Variants in ZMIZ1 observed in about 807,000 individuals in gnomAD.
The protein encoded by ZMIZ1 is zinc finger MIZ domain-containing protein 1.
Under a neutral mutation model 113.9 loss-of-function variants are expected in ZMIZ1, and 17 were observed. The ratio of observed to expected loss-of-function variants is 0.15; its 90% CI spans 0.10 to 0.22. The LOEUF is 0.22. Among genes scored for constraint, ZMIZ1 ranks in the 10% least tolerant of loss-of-function variants. The pLI, the probability that ZMIZ1 is intolerant of heterozygous loss-of-function variation, is 1.00. For synonymous variants in ZMIZ1, 607 were observed against 603.1 expected (o/e 1.01, Z -0.09); for missense variants, 1,059 against 1,477.8 (o/e 0.72, Z 4.65).
At chr10:79,166,761 C>T (rs903224076) in intron 4 of ZMIZ1, among the ~76,000 whole-genome samples, 2 of 152,238 alleles carry the variant, frequency 1.3e-5, no homozygotes, top group African/African-American at 2.4e-5. Flanking sequence ...GGAGAGGAAG[C>T]TGGAAGGTGT....
intron 1 of ZMIZ1, among the ~76,000 whole-genome samples, chr10:79,107,819 C>G (rs60807276): frequency 0.067 from 10,146 of 152,208 alleles, 929 homozygotes; most frequent in African/African-American, 0.2. Flanking sequence ...AGCTTCTGGG[C>G]TCTGCTGTAG....
At chr10:79,173,235 A>C (rs1303159823) in intron 4 of ZMIZ1, among the ~76,000 whole-genome samples, 2 of 152,216 alleles carry the variant, frequency 1.3e-5, no homozygotes, top group Non-Finnish European at 2.9e-5. Flanking sequence ...GACGACTTTG[A>C]ATGTGGCCCA....
intron 4 of ZMIZ1, among the ~76,000 whole-genome samples, chr10:79,187,565 G>C (rs1439131398): frequency 6.6e-6 from 1 of 152,212 alleles, no homozygotes; most frequent in Non-Finnish European, 1.5e-5. Context: ...CAGCACCCCA[G>C]CCATCCTCAG....
intron 2 of ZMIZ1, among the ~76,000 whole-genome samples, chr10:79,137,948 A>T (rs1020770178): frequency 1.3e-5 from 2 of 152,106 alleles, no homozygotes; most frequent in Non-Finnish European, 2.9e-5. Flanking sequence ...CCTGGGCCCA[A>T]CTGACTGTGG....
chr10:79,300,918 G>C lies in ZMIZ1; in HGVS notation c.1995G>C (p.Gln665His). The C allele has an allele frequency of 6.2e-7, 1 of 1,611,792 alleles. No homozygotes were observed. Among genetic ancestry groups the C allele is most frequent in the Non-Finnish European group, 8.5e-7 (1 of 1,179,950 alleles). The change falls in exon 17 of 25, where the codon CAG (glutamine) becomes CAC (histidine). Residue 665 changes from glutamine (Q) to histidine (H), a missense_variant. Coordinates refer to ENST00000334512, the MANE Select transcript of ZMIZ1 (RefSeq NM_020338.4). Reference sequence around the variant, plus strand: ...GCCAGCCGGGCCGCAACACCATCCAGATCACCGTCACGGCCTGCTGCTGCG... The same window carrying C: ...GCCAGCCGGGCCGCAACACCATCCACATCACCGTCACGGCCTGCTGCTGCG... ...HVCQPGRNTI[Q>H]ITVTACCCSH...
rs533202531 is a variant in ZMIZ1 at position 79,251,888 on chromosome 10, G to A, written c.281-25293G>A. ...GCAGCAGCACCCAAAACAGAGAAAC[G>A]CCCTATCCCCACCTTACTAGAACCA... On this transcript the variant is annotated intron_variant, in intron 7 of 24. Transcript: ENST00000334512. 3.9e-5 allele frequency among the ~76,000 whole-genome samples: 6 copies of A among 152,290 alleles called. No homozygotes were observed. The East Asian group carries it at 1.2e-3, about 29-fold the overall frequency.
At chr10:79,089,827 G>A (rs1036621900) in intron 1 of ZMIZ1, among the ~76,000 whole-genome samples, 1 of 150,874 alleles carries the variant, frequency 6.6e-6, no homozygotes, top group Non-Finnish European at 1.5e-5. Context: ...TTTTTACCCA[G>A]GCACATGTCC....
intron 1 of ZMIZ1, among the ~76,000 whole-genome samples, chr10:79,103,149 G>T (rs925608898): frequency 6.6e-6 from 1 of 152,142 alleles, no homozygotes; most frequent in Non-Finnish European, 1.5e-5. Context: ...AGCCACTGTA[G>T]GTGGAGGAGG....
chr10:79,310,629 G>A (rs559904938), intron 23 of ZMIZ1, among the ~76,000 whole-genome samples: 3 of 152,106 alleles, frequency 2.0e-5, no homozygotes, highest in South Asian at 4.2e-4. Flanking sequence ...GGGCCTGGGG[G>A]AGCCCAGGCC....
chr10:79,124,963 T>C (rs911191318), intron 2 of ZMIZ1, among the ~76,000 whole-genome samples: 11 of 152,200 alleles, frequency 7.2e-5, no homozygotes, highest in African/African-American at 2.2e-4. Context: ...AGGGCTGGCC[T>C]CAGCTTGCAA....
chr10:79,294,695 T>A (rs1457299343), intron 12 of ZMIZ1: 1 of 152,380 alleles, frequency 6.6e-6, no homozygotes, highest in East Asian at 1.9e-4. Context: ...ACCAAGCCCC[T>A]TTTTGAGCAG....
intron 1 of ZMIZ1, among the ~76,000 whole-genome samples, chr10:79,092,803 G>A (rs993183470): frequency 6.6e-6 from 1 of 152,192 alleles, no homozygotes; most frequent in African/African-American, 2.4e-5. Flanking sequence ...TTGAAATCTG[G>A]ACACCAGCTG....
intron 1 of ZMIZ1, among the ~76,000 whole-genome samples, chr10:79,112,994 G>C (rs1367812974): frequency 6.6e-6 from 1 of 152,170 alleles, no homozygotes; most frequent in African/African-American, 2.4e-5. Context: ...GTGAGCTCCT[G>C]AGCTCCTGGG....
intron 1 of ZMIZ1, among the ~76,000 whole-genome samples, chr10:79,111,317 GGCCAGGCTGGA>G (rs1328836342): frequency 2.0e-5 from 3 of 152,246 alleles, no homozygotes; most frequent in African/African-American, 7.2e-5. Flanking sequence ...GGAGGAGGCA[GGCCAGGCTGGA>G]GCCAGTCCTT....
At position 79,306,178 on chromosome 10, in the gene ZMIZ1, G is replaced by A. The variant is rs781636296; in HGVS notation, c.2502G>A (p.Lys834=). Residue 834 remains lysine (K), a synonymous_variant, in exon 22 of 25, where the codon AAG becomes AAA. Transcript: ENST00000334512. ...CCATCAAGTCGGACTTACACATCAA[G>A]GACGACCCTGATGGCATCCCCTCCA... ...PVPIKSDLHI[K]DDPDGIPSKR... The A allele has an allele frequency of 1.2e-6, 2 of 1,614,132 alleles. 1 individual carries two copies. Among genetic ancestry groups the A allele is most frequent in the Middle Eastern group, 3.3e-4 (2 of 6,062 alleles).
intron 3 of ZMIZ1, among the ~76,000 whole-genome samples, chr10:79,142,433 T>A (rs561734867): frequency 3.4e-4 from 52 of 151,442 alleles, no homozygotes; most frequent in African/African-American, 1.2e-3. Flanking sequence ...GGATAAGGGG[T>A]CTGCAGAGGA....
chr10:79,168,393 C>A (rs1846453301), intron 4 of ZMIZ1, among the ~76,000 whole-genome samples: 2 of 152,124 alleles, frequency 1.3e-5, no homozygotes, highest in Non-Finnish European at 1.5e-5. Context: ...ACCCCATGGC[C>A]TTTTTTTGTC....
rs573307719 is a variant in ZMIZ1, at chr10:79,246,291, A to T, written c.280+30017A>T. The stretch of plus-strand genomic sequence containing the variant: ...GCAGCCTCAGACCTCCCTGAGGGAC[A>T]GTCTTGGTGCCAGTAGGCGTCAGTC... On this transcript the variant is annotated intron_variant, in intron 7 of 24. Coordinates refer to ENST00000334512, the MANE Select transcript of ZMIZ1 (RefSeq NM_020338.4). Among the ~76,000 whole-genome samples, 3 of 152,338 alleles carry T rather than the reference A, an allele frequency of 2.0e-5. No homozygotes were observed. The South Asian group carries it at 6.2e-4, about 32-fold the overall frequency.
Position 79,291,081 on chromosome 10 carries a change from G to A in ZMIZ1, c.663G>A (p.Gln221=). ...CCCCACAGTTTGCGGGGCAGCAGCA[G>A]CAGTTCTCAGCCAAGGCTGGCCCCG... is the stretch of plus-strand genomic sequence containing the variant. ...LNSPQFAGQQ[Q]QFSAKAGPAQ... Residue 221 remains glutamine, a synonymous_variant, in exon 10 of 25, where the codon CAG becomes CAA. Transcript: ENST00000334512. The A allele has an allele frequency of 6.2e-6, 10 of 1,614,254 alleles. No homozygotes were observed. Among genetic ancestry groups the A allele is most frequent in the Non-Finnish European group, 8.5e-6 (10 of 1,180,050 alleles).
Sources: allele counts gnomAD v4.1 joint callset (sites outside exome capture counted in the v4.1 genomes callset), GRCh38; gene constraint gnomAD v4.1.1; transcripts MANE v1.5; gene names NCBI Gene and HGNC (gene_info 2026-07-23, HGNC 2026-07-21).